Variants in QTMAN observed in about 807,000 individuals in gnomAD.
QTMAN encodes tRNA-queuosine alpha-mannosyltransferase.
chr2:144,266,526 T>C, the QTMAN span, among the ~76,000 whole-genome samples: 6 of 152,224 alleles, frequency 3.9e-5, no homozygotes, highest in Non-Finnish European at 8.8e-5. Flanking sequence ...GATCAGTGAC[T>C]GAGACATTGT....
chr2:144,113,040 G>T, the QTMAN span, among the ~76,000 whole-genome samples: 1 of 152,080 alleles, frequency 6.6e-6, no homozygotes, highest in Non-Finnish European at 1.5e-5. Context: ...CATAACATAA[G>T]ATCCCAAATG....
At chr2:144,326,118 C>T in the QTMAN span, among the ~76,000 whole-genome samples, 1 of 152,160 alleles carries the variant, frequency 6.6e-6, no homozygotes, top group Non-Finnish European at 1.5e-5. Flanking sequence ...AAACTCACTT[C>T]TTCATAATAA....
chr2:144,133,700 TTTC>T, the QTMAN span, among the ~76,000 whole-genome samples: 1 of 148,390 alleles, frequency 6.7e-6, no homozygotes, highest in Non-Finnish European at 1.5e-5. Flanking sequence ...ATAAAGGAGA[TTTC>T]TTGACAGTGA....
At chr2:144,100,779 T>C in the QTMAN span, among the ~76,000 whole-genome samples, 1 of 152,044 alleles carries the variant, frequency 6.6e-6, no homozygotes, top group African/African-American at 2.4e-5. Flanking sequence ...ATGTCTCATC[T>C]ATTCAGGAAT....
the QTMAN span, among the ~76,000 whole-genome samples, chr2:144,253,192 G>A: frequency 2.9e-3 from 446 of 152,158 alleles, 2 homozygotes; most frequent in African/African-American, 9.7e-3. Flanking sequence ...TATTTGTTTC[G>A]CCTTCCGCCA....
At chr2:144,019,622 C>T in the QTMAN span, among the ~76,000 whole-genome samples, 1 of 152,132 alleles carries the variant, frequency 6.6e-6, no homozygotes, top group Non-Finnish European at 1.5e-5. Context: ...AGTGATTTTA[C>T]ATAGAGAGAA....
the QTMAN span, among the ~76,000 whole-genome samples, chr2:143,988,615 AT>A: frequency 1.3e-5 from 2 of 152,204 alleles, no homozygotes; most frequent in Non-Finnish European, 2.9e-5. Flanking sequence ...CTTCTACTTA[AT>A]TTATAGAAGA....
At chr2:144,183,203 A>G in the QTMAN span, among the ~76,000 whole-genome samples, 2 of 151,902 alleles carry the variant, frequency 1.3e-5, no homozygotes, top group Non-Finnish European at 2.9e-5. Context: ...TGAGCAGAAT[A>G]AATACACTAT....
chr2:144,151,487 G>A, the QTMAN span, among the ~76,000 whole-genome samples: 1 of 152,074 alleles, frequency 6.6e-6, no homozygotes, highest in Admixed American at 6.6e-5. Flanking sequence ...GAAGAAGACA[G>A]CAAGAAGAAA....
the QTMAN span, among the ~76,000 whole-genome samples, chr2:144,285,786 A>G: frequency 6.6e-6 from 1 of 152,216 alleles, no homozygotes; most frequent in African/African-American, 2.4e-5. Context: ...AAACTGAATC[A>G]ATCTGAGGCC....
At chr2:144,292,063 T>C in the QTMAN span, among the ~76,000 whole-genome samples, 4 of 152,182 alleles carry the variant, frequency 2.6e-5, no homozygotes, top group East Asian at 7.7e-4. Flanking sequence ...TGAGTGTTAG[T>C]TTTTCTCCAA....
the QTMAN span, among the ~76,000 whole-genome samples, chr2:144,045,355 A>T: frequency 6.6e-6 from 1 of 152,218 alleles, no homozygotes; most frequent in African/African-American, 2.4e-5. Flanking sequence ...TTTGACTTTT[A>T]TTTTGCCAAT....
the QTMAN span, among the ~76,000 whole-genome samples, chr2:144,162,797 T>A: frequency 6.6e-6 from 1 of 152,136 alleles, no homozygotes; most frequent in African/African-American, 2.4e-5. Flanking sequence ...CGAGCAGGTG[T>A]GCATCTGAAG....
the QTMAN span, among the ~76,000 whole-genome samples, chr2:144,050,268 C>T: frequency 1.3e-5 from 2 of 150,684 alleles, no homozygotes; most frequent in South Asian, 4.2e-4. Context: ...GATGGGATGT[C>T]AAAAGAAAAA....
the QTMAN span, among the ~76,000 whole-genome samples, chr2:143,971,556 C>T: frequency 6.6e-6 from 1 of 151,886 alleles, no homozygotes; most frequent in East Asian, 1.9e-4. Context: ...TACAATTAAA[C>T]AAATCACATC....
At chr2:143,982,779 G>C in the QTMAN span, among the ~76,000 whole-genome samples, 9 of 149,548 alleles carry the variant, frequency 6.0e-5, no homozygotes, top group Non-Finnish European at 8.9e-5. Flanking sequence ...GAGAACCTCC[G>C]TGTGGTGGAG....
At chr2:144,275,163 T>C in the QTMAN span, among the ~76,000 whole-genome samples, 4 of 152,094 alleles carry the variant, frequency 2.6e-5, no homozygotes, top group Non-Finnish European at 4.4e-5. Flanking sequence ...GGCAGGCAGA[T>C]CACCAGATCC....
the QTMAN span, among the ~76,000 whole-genome samples, chr2:143,957,799 T>C: frequency 3.0e-4 from 46 of 152,224 alleles, no homozygotes; most frequent in African/African-American, 9.2e-4. Context: ...TAAATTTCTT[T>C]GGAAAGTAAT....
the QTMAN span, among the ~76,000 whole-genome samples, chr2:143,949,838 A>AT: frequency 0.039 from 5,926 of 150,958 alleles, 384 homozygotes; most frequent in African/African-American, 0.14. Flanking sequence ...TTTAGAAGGC[A>AT]TTTTTTTTTC....
Sources: allele counts gnomAD v4.1 joint callset (sites outside exome capture counted in the v4.1 genomes callset), GRCh38; gene constraint gnomAD v4.1.1; transcripts MANE v1.5; gene names NCBI Gene and HGNC (gene_info 2026-07-23, HGNC 2026-07-21).